Variants in PRKCH observed in about 807,000 individuals in gnomAD.
PRKCH encodes the protein protein kinase C eta.
In PRKCH, 28 loss-of-function variants were observed where a neutral mutation model predicts 82.5. The ratio of observed to expected loss-of-function variants is 0.34; its 90% CI spans 0.25 to 0.47. PRKCH has a LOEUF of 0.47. Among genes scored for constraint, PRKCH ranks in the 20% least tolerant of loss-of-function variants. The probability of loss-of-function intolerance (pLI) is 1.00; values close to 1 mark genes in which losing one functional copy is unlikely to be tolerated. For synonymous variants in PRKCH, 322 were observed against 327.4 expected (o/e 0.98, Z 0.18); for missense variants, 705 against 881.8 (o/e 0.80, Z 2.54).
chr14:61,387,515 G>A lies in PRKCH; in HGVS notation c.364-3710G>A, dbSNP rs149161340. Among the ~76,000 whole-genome samples, 350 of 152,300 alleles carry A rather than the reference G, an allele frequency of 2.3e-3. 2 individuals carry two copies. Among genetic ancestry groups the A allele is most frequent in the African/African-American group, 7.7e-3 (318 of 41,558 alleles). Reference sequence around the variant, plus strand: ...GAGTGGAAATTATTGGTCTTGCTGCGTTTGTATTCATAGAGAAAGATCTGT... The same window carrying A: ...GAGTGGAAATTATTGGTCTTGCTGCATTTGTATTCATAGAGAAAGATCTGT... On this transcript the variant is annotated intron_variant, in intron 1 of 13. Coordinates refer to ENST00000332981, the MANE Select transcript of PRKCH (RefSeq NM_006255.5).
chr14:61,482,694 TAC>T (rs1448743647), intron 9 of PRKCH, among the ~76,000 whole-genome samples: 2 of 152,236 alleles, frequency 1.3e-5, no homozygotes, highest in East Asian at 3.9e-4. Flanking sequence ...AAGAAACAGG[TAC>T]AGCAGAACCC....
At chr14:61,546,066 T>C (rs971389660) in intron 12 of PRKCH, among the ~76,000 whole-genome samples, 6 of 152,252 alleles carry the variant, frequency 3.9e-5, no homozygotes, top group African/African-American at 1.4e-4. Flanking sequence ...GCTCTTAGAA[T>C]AGCAACTGCT....
intron 2 of PRKCH, among the ~76,000 whole-genome samples, chr14:61,400,287 A>C (rs1881540846): frequency 2.0e-5 from 3 of 152,214 alleles, no homozygotes; most frequent in Admixed American, 2.0e-4. Flanking sequence ...AGAAAAAGTG[A>C]TTTCTGGTGG....
At chr14:61,210,111 AATATATATATATATATATATAT>A (rs60055073) in intron 1 of PRKCH, among the ~76,000 whole-genome samples, 1,442 of 87,382 alleles carry the variant, frequency 0.017, 61 homozygotes, top group East Asian at 0.093. Flanking sequence ...CAAACAAACA[AATATATATATATATATATATAT>A]ATATATATAT....
At chr14:61,266,046 G>C (rs2045097554) in intron 1 of PRKCH, among the ~76,000 whole-genome samples, 1 of 152,064 alleles carries the variant, frequency 6.6e-6, no homozygotes, top group South Asian at 2.1e-4. Flanking sequence ...AGTGAGCTGA[G>C]ATCACCCCCA....
intron 4 of PRKCH, among the ~76,000 whole-genome samples, chr14:61,446,295 A>G (rs376614058): frequency 2.6e-5 from 4 of 152,354 alleles, no homozygotes; most frequent in African/African-American, 9.6e-5. Flanking sequence ...TGTTTCTAGC[A>G]TAATTGGAAA....
At chr14:61,301,717 T>C (rs1278069353) in intron 1 of PRKCH, among the ~76,000 whole-genome samples, 1 of 152,192 alleles carries the variant, frequency 6.6e-6, no homozygotes, top group African/African-American at 2.4e-5. Context: ...AGTGTGTGCC[T>C]GTAGTCCCAG....
chr14:61,517,832 C>T (rs933705152), intron 10 of PRKCH, among the ~76,000 whole-genome samples: 1 of 152,242 alleles, frequency 6.6e-6, no homozygotes, highest in Non-Finnish European at 1.5e-5. Context: ...CATCTTCATG[C>T]ACATGCCCTG....
intron 10 of PRKCH, among the ~76,000 whole-genome samples, chr14:61,509,048 T>C (rs1594773158): frequency 6.6e-6 from 1 of 152,106 alleles, no homozygotes; most frequent in East Asian, 1.9e-4. Context: ...ATTGTTAGCA[T>C]TGGGTGCTGG....
At chr14:61,420,419 A>G (rs1882773282) in intron 2 of PRKCH, among the ~76,000 whole-genome samples, 1 of 152,062 alleles carries the variant, frequency 6.6e-6, no homozygotes, top group Non-Finnish European at 1.5e-5. Flanking sequence ...ATAAACAAGA[A>G]CAATACCACT....
chr14:61,341,105 C>G (rs1376803869), intron 1 of PRKCH, among the ~76,000 whole-genome samples: 1 of 152,190 alleles, frequency 6.6e-6, no homozygotes. Flanking sequence ...GCCCTAACCT[C>G]CCTCCTGCCA....
chr14:61,436,341 A>G (rs1384052451), intron 2 of PRKCH, among the ~76,000 whole-genome samples: 1 of 152,140 alleles, frequency 6.6e-6, no homozygotes, highest in Non-Finnish European at 1.5e-5. Context: ...CTCAGAGGGA[A>G]CCAAAGCCCT....
At chr14:61,206,566 G>A (rs2044525883) in intron 1 of PRKCH, among the ~76,000 whole-genome samples, 2 of 152,170 alleles carry the variant, frequency 1.3e-5, no homozygotes, top group Non-Finnish European at 2.9e-5. Flanking sequence ...ACCCACTATA[G>A]GGGGGAACAT....
chr14:61,436,179 G>A (rs1405791629), intron 2 of PRKCH, among the ~76,000 whole-genome samples: 1 of 152,194 alleles, frequency 6.6e-6, no homozygotes, highest in East Asian at 1.9e-4. Flanking sequence ...GGAGGCTGGA[G>A]TGATGAGTGA....
chr14:61,229,615 G>C (rs2044724632), intron 1 of PRKCH, among the ~76,000 whole-genome samples: 1 of 152,222 alleles, frequency 6.6e-6, no homozygotes, highest in African/African-American at 2.4e-5. Flanking sequence ...AGACCGAAGG[G>C]AAGATTTGGC....
intron 10 of PRKCH, among the ~76,000 whole-genome samples, chr14:61,516,628 A>G (rs764181065): frequency 6.6e-6 from 1 of 152,188 alleles, no homozygotes; most frequent in Non-Finnish European, 1.5e-5. Context: ...TGAGTGCTCA[A>G]GAAGTACCAG....
intron 9 of PRKCH, among the ~76,000 whole-genome samples, chr14:61,484,365 T>C (rs148550746): frequency 4.1e-5 from 6 of 147,358 alleles, no homozygotes; most frequent in African/African-American, 1.5e-4. Flanking sequence ...CTGTGTCTGC[T>C]CTACTCTCTA....
At chr14:61,250,547 A>G (rs962210219) in intron 1 of PRKCH, among the ~76,000 whole-genome samples, 1 of 152,150 alleles carries the variant, frequency 6.6e-6, no homozygotes, top group Non-Finnish European at 1.5e-5. Flanking sequence ...AGGCCAAACA[A>G]TGGAGACAAT....
chr14:61,287,547 CT>C (rs2045326054), intron 1 of PRKCH, among the ~76,000 whole-genome samples: 1 of 152,052 alleles, frequency 6.6e-6, no homozygotes, highest in Admixed American at 6.6e-5. Flanking sequence ...TCCATCTCTA[CT>C]AAAAATACAA....
Sources: allele counts gnomAD v4.1 joint callset (sites outside exome capture counted in the v4.1 genomes callset), GRCh38; gene constraint gnomAD v4.1.1; transcripts MANE v1.5; gene names NCBI Gene and HGNC (gene_info 2026-07-23, HGNC 2026-07-21).